The following CACNA2D1 variants were observed in gnomAD, a reference collection of about 807,000 sequenced individuals.
CACNA2D1 encodes the protein voltage-dependent calcium channel subunit alpha-2/delta-1.
In CACNA2D1, 53 loss-of-function variants were observed where a neutral mutation model predicts 171.5. The observed-to-expected ratio is 0.31, with a 90% confidence interval of 0.25 to 0.39. CACNA2D1 has a LOEUF of 0.39. Ranked by LOEUF, CACNA2D1 falls within the 10% of genes least tolerant of loss-of-function variation. The pLI, the probability that CACNA2D1 is intolerant of heterozygous loss-of-function variation, is 1.00. For synonymous variants in CACNA2D1, 442 were observed against 443.1 expected (o/e 1.00, Z 0.03); for missense variants, 903 against 1,299.8 (o/e 0.69, Z 4.69).
intron 12 of CACNA2D1, among the ~76,000 whole-genome samples, chr7:82,018,351 AGAGGGT>A (rs1800762852): frequency 6.6e-6 from 1 of 152,172 alleles, no homozygotes; most frequent in Non-Finnish European, 1.5e-5. Flanking sequence ...ACTTCTTACC[AGAGGGT>A]AAGAAGACTT....
intron 20 of CACNA2D1, among the ~76,000 whole-genome samples, chr7:81,994,532 C>T (rs920540090): frequency 1.3e-5 from 2 of 151,930 alleles, no homozygotes; most frequent in African/African-American, 4.8e-5. Context: ...GTAACATTGG[C>T]ATAGTGTAAA....
At position 82,190,533 on chromosome 7, in the gene CACNA2D1, A is replaced by G. The variant is rs541307469; in HGVS notation, c.295-19924T>C. ...ATCACCATATATTCAATTCCCAGAAAGATAAATTTAATCAACCCAGTAGTG... is the reference window on the plus strand; with the variant it reads ...ATCACCATATATTCAATTCCCAGAAGGATAAATTTAATCAACCCAGTAGTG... On this transcript the variant is annotated intron_variant, in intron 3 of 38. Transcript: ENST00000356860. Among the ~76,000 whole-genome samples, 12 of 151,860 alleles carry G rather than the reference A, an allele frequency of 7.9e-5. No individual in the cohort carries two copies. In the South Asian group the frequency reaches 1.9e-3, roughly 24 times the overall value.
intron 11 of CACNA2D1, among the ~76,000 whole-genome samples, chr7:82,034,662 G>A (rs1328090314): frequency 6.6e-6 from 1 of 151,734 alleles, no homozygotes; most frequent in African/African-American, 2.4e-5. Context: ...TTTTTTATCT[G>A]CATGTGTAAA....
chr7:82,365,789 G>T (rs1342297288), intron 1 of CACNA2D1, among the ~76,000 whole-genome samples: 1 of 152,178 alleles, frequency 6.6e-6, no homozygotes, highest in Non-Finnish European at 1.5e-5. Context: ...TTGTCCTGAA[G>T]TGTTATAGGT....
At chr7:82,158,949 G>A (rs936543932) in intron 4 of CACNA2D1, among the ~76,000 whole-genome samples, 1 of 151,780 alleles carries the variant, frequency 6.6e-6, no homozygotes, top group Admixed American at 6.6e-5. Flanking sequence ...TGTGCAAATG[G>A]TAACTTTAGG....
chr7:82,331,628 A>C (rs1252635217), intron 3 of CACNA2D1, among the ~76,000 whole-genome samples: 1 of 152,210 alleles, frequency 6.6e-6, no homozygotes, highest in Admixed American at 6.5e-5. Flanking sequence ...TCATGTGCTT[A>C]AGATATTCTA....
intron 2 of CACNA2D1, among the ~76,000 whole-genome samples, chr7:82,343,917 A>T (rs1818961036): frequency 6.6e-6 from 1 of 152,226 alleles, no homozygotes; most frequent in South Asian, 2.1e-4. Context: ...GCCCAGTTTA[A>T]TTTGCCCATA....
chr7:82,079,881 T>C (rs1465798990), intron 7 of CACNA2D1, among the ~76,000 whole-genome samples: 1 of 152,000 alleles, frequency 6.6e-6, no homozygotes, highest in African/African-American at 2.4e-5. Flanking sequence ...AATGATGATA[T>C]ATAGACCATA....
chr7:82,219,857 C>T lies in CACNA2D1; in HGVS notation c.295-49248G>A, dbSNP rs1216637158. 5.3e-5 allele frequency among the ~76,000 whole-genome samples: 8 copies of T among 152,102 alleles called. No homozygotes were observed. In the East Asian group the frequency reaches 1.5e-3, roughly 29 times the overall value. ...ATTTAAATATCAGTAGTTACAGGTACCTACCAAAGAACAGCATATTCATGA... is the reference window on the plus strand; with the variant it reads ...ATTTAAATATCAGTAGTTACAGGTATCTACCAAAGAACAGCATATTCATGA... On this transcript the variant is annotated intron_variant, in intron 3 of 38. Transcript: ENST00000356860.
intron 21 of CACNA2D1, among the ~76,000 whole-genome samples, chr7:81,990,788 T>A (rs1407038724): frequency 1.3e-5 from 2 of 152,114 alleles, no homozygotes; most frequent in Admixed American, 1.3e-4. Context: ...TGGAGGTAAA[T>A]TATATCAACT....
intron 3 of CACNA2D1, among the ~76,000 whole-genome samples, chr7:82,312,535 A>G (rs58446853): frequency 0.13 from 18,438 of 141,298 alleles, 1,657 homozygotes; most frequent in African/African-American, 0.25. Context: ...TTTTTTTGAG[A>G]CAAGAGTCTT....
chr7:82,157,363 G>A (rs911087344), intron 4 of CACNA2D1, among the ~76,000 whole-genome samples: 1 of 152,004 alleles, frequency 6.6e-6, no homozygotes, highest in Non-Finnish European at 1.5e-5. Flanking sequence ...GGCTTATAAT[G>A]TGATTTTATT....
intron 12 of CACNA2D1, chr7:82,028,279 A>T (rs1419791887): frequency 2.0e-5 from 3 of 151,794 alleles, no homozygotes; most frequent in African/African-American, 7.2e-5. Context: ...ATGACAGCAC[A>T]TCTGTTTACA....
chr7:82,178,941 A>G (rs1796828291), intron 3 of CACNA2D1, among the ~76,000 whole-genome samples: 1 of 152,118 alleles, frequency 6.6e-6, no homozygotes, highest in South Asian at 2.1e-4. Context: ...ATGTGGAAAC[A>G]ATCATTTCCA....
rs554171052 is a variant in CACNA2D1, at chr7:81,968,926, C to T, written c.2356G>A (p.Val786Ile). The change falls in exon 29 of 39, where the codon GTA (valine) becomes ATA (isoleucine). Residue 786 changes from valine to isoleucine, a missense_variant. This residue lies in a region of CACNA2D1 where 623 missense variants were observed against 925.5 expected (regional missense o/e 0.67). Transcript: ENST00000356860. ...AGTTTCCCTTGAATATATATTTCTA[C>T]AGCTTTGCTTACCATAATGCCCGAT... ...YESGIMVSKA[V>I]EIYIQGKLLK... 2 of 1,595,218 alleles carry T rather than the reference C, an allele frequency of 1.3e-6. No individual in the cohort carries two copies. The highest frequency in any genetic ancestry group is 1.7e-6 in the Non-Finnish European group (2 of 1,164,842).
At chr7:82,376,319 T>A (rs545221575) in intron 1 of CACNA2D1, among the ~76,000 whole-genome samples, 1 of 152,334 alleles carries the variant, frequency 6.6e-6, no homozygotes, top group South Asian at 2.1e-4. Context: ...ACTCTATTGT[T>A]ATCAAAATTA....
intron 6 of CACNA2D1, among the ~76,000 whole-genome samples, chr7:82,099,200 T>C (rs258668): frequency 0.38 from 58,152 of 151,842 alleles, 11,380 homozygotes; most frequent in East Asian, 0.42. Flanking sequence ...AATATATCTG[T>C]AGCAAAACCT....
intron 1 of CACNA2D1, among the ~76,000 whole-genome samples, chr7:82,373,639 T>C (rs897751820): frequency 6.6e-5 from 10 of 152,270 alleles, no homozygotes; most frequent in Admixed American, 3.3e-4. Flanking sequence ...AAAATAAAAA[T>C]TATGCCTACA....
intron 3 of CACNA2D1, among the ~76,000 whole-genome samples, chr7:82,330,671 C>T (rs1414856112): frequency 1.3e-5 from 2 of 152,034 alleles, no homozygotes; most frequent in East Asian, 3.8e-4. Context: ...TTAATTGATA[C>T]AGGATTCACT....
Sources: gnomAD v4.1 joint callset for allele counts (sites outside exome capture counted in the v4.1 genomes callset) on GRCh38, gnomAD v4.1.1 for gene constraint, gnomAD v4.1.1 regional missense constraint, MANE v1.5 for transcripts, NCBI Gene and HGNC (gene_info 2026-07-23, HGNC 2026-07-21) for gene names.